Variants in MAJIN observed in about 807,000 individuals in gnomAD.
MAJIN encodes membrane-anchored junction protein.
In MAJIN, 27 loss-of-function variants were observed where a neutral mutation model predicts 30.2. The ratio of observed to expected loss-of-function variants is 0.89; its 90% confidence interval spans 0.66 to 1.23. MAJIN has a LOEUF of 1.23. Ranked by LOEUF, MAJIN falls within the 50% of genes most tolerant of loss-of-function variation. MAJIN has a pLI of 0.00. For synonymous variants in MAJIN, 78 were observed against 91.6 expected (o/e 0.85, Z 0.85); for missense variants, 253 against 260.3 (o/e 0.97, Z 0.19).
chr11:64,958,453 A>T (rs1456884444), intron 3 of MAJIN, among the ~76,000 whole-genome samples: 1 of 151,688 alleles, frequency 6.6e-6, no homozygotes, highest in African/African-American at 2.4e-5. Flanking sequence ...TCATTTCTAC[A>T]AAAAAAATTT....
chr11:64,949,696 T>A, intron 6 of MAJIN, 47 bp downstream of exon 6: 1 of 1,603,594 alleles, frequency 6.2e-7, no homozygotes, highest in Non-Finnish European at 8.5e-7. Context: ...CTGGCACAGC[T>A]AAACCATTTT....
intron 8 of MAJIN, among the ~76,000 whole-genome samples, chr11:64,941,731 C>A (rs1264220778): frequency 6.6e-6 from 1 of 152,088 alleles, no homozygotes; most frequent in African/African-American, 2.4e-5. Flanking sequence ...GCTGAAAGGA[C>A]GTTAATGGAG....
At chr11:64,965,406 A>G (rs185400421) in intron 1 of MAJIN, among the ~76,000 whole-genome samples, 20 of 152,280 alleles carry the variant, frequency 1.3e-4, no homozygotes, top group African/African-American at 4.6e-4. Flanking sequence ...ATAAACCAGA[A>G]AGGAGTCTAA....
At chr11:64,962,194 G>A (rs1455410927) in intron 1 of MAJIN, among the ~76,000 whole-genome samples, 3 of 152,216 alleles carry the variant, frequency 2.0e-5, no homozygotes, top group Admixed American at 6.5e-5. Context: ...ATGACAGTCC[G>A]AAGAGGAAAT....
chr11:64,959,913 A>G lies in MAJIN; in HGVS notation c.-18+176T>C, dbSNP rs540194356. Among the ~76,000 whole-genome samples, 14 of 152,338 alleles carry G rather than the reference A, an allele frequency of 9.2e-5. 1 individual carries two copies. In the South Asian group the frequency reaches 2.9e-3, roughly 32 times the overall value. ...TTTGCTATCAATTTTAGATGAAATT[A>G]AGGTATTACTACAACTTCCTGCCAC... On this transcript the variant is annotated intron_variant, in intron 2 of 10. Transcript: ENST00000301896.
intron 1 of MAJIN, among the ~76,000 whole-genome samples, chr11:64,965,187 T>C (rs1945787511): frequency 1.3e-5 from 2 of 152,238 alleles, no homozygotes; most frequent in Admixed American, 1.3e-4. Flanking sequence ...GGTTTCTTCC[T>C]GCCCTTTCTG....
intron 10 of MAJIN, among the ~76,000 whole-genome samples, chr11:64,938,806 C>T (rs1945327707): frequency 6.6e-6 from 1 of 152,172 alleles, no homozygotes; most frequent in Non-Finnish European, 1.5e-5. Context: ...CAGAGAGAGA[C>T]ATTTGCTAAC....
At position 64,959,436 on chromosome 11, in the gene MAJIN, A is replaced by G; in HGVS notation, c.-17-14T>C. 6.3e-7 allele frequency: 1 copy of G among 1,577,216 alleles called. No individual in the cohort carries two copies. Among genetic ancestry groups the G allele is most frequent in the Non-Finnish European group, 8.7e-7 (1 of 1,148,090 alleles). On this transcript the variant is annotated splice_polypyrimidine_tract_variant and intron_variant, in intron 2 of 10. Transcript: ENST00000301896. ...CCAAACGATAGCCTAAATAAAATAG[A>G]AAGAGAATTACTAAAAAGCTAACGA...
chr11:64,969,955 GGAGATGCTGAAGTTT>G (rs1238931574), intron 1 of MAJIN, among the ~76,000 whole-genome samples: 1 of 152,164 alleles, frequency 6.6e-6, no homozygotes, highest in Non-Finnish European at 1.5e-5. Context: ...GTCTGTATCT[GGAGATGCTGAAGTTT>G]GAGATGCCAA....
chr11:64,954,660 G>A (rs762705827), intron 4 of MAJIN, 97 bp downstream of exon 4: 8 of 1,197,406 alleles, frequency 6.7e-6, no homozygotes, highest in African/African-American at 3.0e-5. Context: ...TTATCAAGTG[G>A]AGGTTGTGAC....
intron 1 of MAJIN, among the ~76,000 whole-genome samples, chr11:64,968,285 T>C (rs1945843007): frequency 6.6e-6 from 1 of 152,076 alleles, no homozygotes; most frequent in Admixed American, 6.6e-5. Flanking sequence ...CTAATTTTAT[T>C]TTAGAGACAG....
chr11:64,951,195 C>G (rs1242619648), intron 4 of MAJIN, among the ~76,000 whole-genome samples: 1 of 152,140 alleles, frequency 6.6e-6, no homozygotes, highest in Non-Finnish European at 1.5e-5. Context: ...ATGAATAATG[C>G]ATAACAAGTC....
chr11:64,940,503 T>C, intron 9 of MAJIN, 71 bp downstream of exon 9: 2 of 1,484,498 alleles, frequency 1.3e-6, no homozygotes, highest in Middle Eastern at 1.7e-4. Context: ...TGTGCTGCTC[T>C]ACATATCAGA....
intron 1 of MAJIN, among the ~76,000 whole-genome samples, chr11:64,963,132 A>G (rs995036054): frequency 1.3e-5 from 2 of 152,112 alleles, no homozygotes; most frequent in African/African-American, 4.8e-5. Context: ...ATCTCAAAAA[A>G]ACAAACAAAA....
chr11:64,958,502 C>T (rs967501885), intron 3 of MAJIN, among the ~76,000 whole-genome samples: 1 of 149,834 alleles, frequency 6.7e-6, no homozygotes. Context: ...GCCTGTAGTC[C>T]TAGCTTCTCT....
chr11:64,967,559 T>C (rs542835431), intron 1 of MAJIN, among the ~76,000 whole-genome samples: 1 of 152,064 alleles, frequency 6.6e-6, no homozygotes, highest in Non-Finnish European at 1.5e-5. Context: ...AAATGGAGAA[T>C]GGATGGTGGG....
chr11:64,961,172 G>GT lies in MAJIN; in HGVS notation c.-64-1038dup, dbSNP rs533022844. The stretch of plus-strand genomic sequence containing the variant: ...CAAGGATTATTTTTTTGTTTTTGTG[G>GT]TTTTTTTTTTTTTGAGTCAGGGTCT... On this transcript the variant is annotated intron_variant, in intron 1 of 10. Coordinates refer to ENST00000301896, the MANE Select transcript of MAJIN (RefSeq NM_001037225.3). 7.8e-3 allele frequency among the ~76,000 whole-genome samples: 1,116 copies of GT among 143,346 alleles called. 12 individuals carry two copies. Among genetic ancestry groups the GT allele is most frequent in the African/African-American group, 0.02 (792 of 39,392 alleles). 94.0% of individuals were successfully genotyped at this position (143,346 alleles called of 152,430 possible).
chr11:64,948,622 TATATATATATATATATA>T lies in MAJIN; in HGVS notation c.350-820_350-804del, dbSNP rs1213074834. The stretch of plus-strand genomic sequence containing the variant: ...TACATCATATATATATATATATATA[TATATATATATATATATA>T]TTTTTTTTTTTTTTTTTTTTTTTTT... On this transcript the variant is annotated intron_variant, in intron 6 of 10. Coordinates refer to ENST00000301896, the MANE Select transcript of MAJIN (RefSeq NM_001037225.3). 2.1e-4 allele frequency among the ~76,000 whole-genome samples: 10 copies of T among 47,230 alleles called. 1 individual carries two copies. In the South Asian group the frequency reaches 4.3e-3, roughly 20 times the overall value. The allele number at this position is 47,230 out of a possible 152,430, so 31.0% of individuals were successfully genotyped here.
At chr11:64,953,216 CTTT>C (rs1945582018) in intron 4 of MAJIN, among the ~76,000 whole-genome samples, 1 of 152,142 alleles carries the variant, frequency 6.6e-6, no homozygotes, top group Non-Finnish European at 1.5e-5. Context: ...AACAGGCCTT[CTTT>C]ATTAACCTCA....
Sources: gnomAD v4.1 joint callset for allele counts (sites outside exome capture counted in the v4.1 genomes callset) on GRCh38, gnomAD v4.1.1 for gene constraint, MANE v1.5 for transcripts, NCBI Gene and HGNC (gene_info 2026-07-23, HGNC 2026-07-21) for gene names.